Variants in DCUN1D4 observed in about 807,000 individuals in gnomAD.
DCUN1D4 encodes the protein DCN1-like protein 4.
DCUN1D4 carries 22 observed loss-of-function variants against 47.9 expected under a neutral mutation model. The ratio of observed to expected loss-of-function variants is 0.46; its 90% CI spans 0.33 to 0.66. The LOEUF is 0.66. DCUN1D4 is among the 30% of genes least tolerant of loss of function. DCUN1D4 has a pLI of 0.02. For synonymous variants in DCUN1D4, 121 were observed against 112.2 expected (o/e 1.08, Z -0.50); for missense variants, 301 against 340.8 (o/e 0.88, Z 0.92).
chr4:51,894,196 G>C (rs1181060758), intron 7 of DCUN1D4, among the ~76,000 whole-genome samples: 1 of 152,082 alleles, frequency 6.6e-6, no homozygotes, highest in African/African-American at 2.4e-5. Flanking sequence ...TGCTTTTTGT[G>C]GTATGAAACT....
chr4:51,836,318 G>A, the DCUN1D4 span, among the ~76,000 whole-genome samples: 1 of 152,168 alleles, frequency 6.6e-6, no homozygotes, highest in Non-Finnish European at 1.5e-5. Flanking sequence ...GCTTTAACCT[G>A]TCTTAGCTGA....
In DCUN1D4 at chr4:51,912,000, G is replaced by T. The variant is rs1733788831; in HGVS notation, c.720+826G>T. 2.0e-5 allele frequency among the ~76,000 whole-genome samples: 3 copies of T among 152,102 alleles called. No individual in the cohort carries two copies. In the South Asian group the frequency reaches 6.2e-4, roughly 32 times the overall value. Reference sequence around the variant, plus strand: ...TAATCTTTCTCACAACTTACTTTATGTAATGGTCCAGAATATTTTTAATAT... The same window carrying T: ...TAATCTTTCTCACAACTTACTTTATTTAATGGTCCAGAATATTTTTAATAT... On this transcript the variant is annotated intron_variant, in intron 9 of 10. Coordinates refer to ENST00000334635, the MANE Select transcript of DCUN1D4 (RefSeq NM_001040402.3).
intron 3 of DCUN1D4, among the ~76,000 whole-genome samples, chr4:51,868,253 G>C (rs1726288154): frequency 6.6e-6 from 1 of 152,206 alleles, no homozygotes; most frequent in Admixed American, 6.5e-5. Context: ...TCCTGGAAGG[G>C]CGAGACTCCT....
In DCUN1D4 at chr4:51,915,177, G is replaced by A. The variant is rs551426464; in HGVS notation, c.*1593G>A. On this transcript the variant is annotated 3_prime_UTR_variant, in exon 11 of 11. Transcript: ENST00000334635. ...ATTTTACCATTTCTTTGCAAACAGT[G>A]TTCACATTTTCATATTTTTTCCCTA... The A allele has an allele frequency of 7.9e-5, 12 of 152,606 alleles. No individual in the cohort carries two copies. The East Asian group carries it at 1.5e-3, about 20-fold the overall frequency. The allele number at this position is 152,606 out of a possible 1,614,324, so 9.5% of individuals were successfully genotyped here.
intron 8 of DCUN1D4, chr4:51,905,048 C>A: frequency 6.5e-6 from 2 of 307,806 alleles, no homozygotes; most frequent in South Asian, 2.7e-5. Flanking sequence ...CCTTTAACAG[C>A]TCTCTACCAA....
chr4:51,875,095 A>C (rs931295274), intron 4 of DCUN1D4: 2 of 152,130 alleles, frequency 1.3e-5, no homozygotes, highest in Admixed American at 1.3e-4. Context: ...GAATTTCCAC[A>C]TGTATTAATC....
chr4:51,858,909 A>G (rs1026886971), intron 1 of DCUN1D4, among the ~76,000 whole-genome samples: 2 of 152,190 alleles, frequency 1.3e-5, no homozygotes, highest in Non-Finnish European at 2.9e-5. Context: ...ATCCAGAAAT[A>G]TTTACAATCT....
intron 1 of DCUN1D4, among the ~76,000 whole-genome samples, chr4:51,852,802 G>A (rs1392792088): frequency 1.3e-5 from 2 of 152,204 alleles, no homozygotes; most frequent in East Asian, 3.8e-4. Context: ...TGAGGACACG[G>A]GCACAGTGAA....
chr4:51,843,000 A>T, upstream of DCUN1D4: 1 of 1,268,222 alleles, frequency 7.9e-7, no homozygotes, highest in Non-Finnish European at 1.0e-6. Context: ...CGTATTGGCC[A>T]GTGGGGGGCG....
the DCUN1D4 span, among the ~76,000 whole-genome samples, chr4:51,837,776 A>T: frequency 8.5e-5 from 13 of 152,138 alleles, no homozygotes; most frequent in East Asian, 2.5e-3. Flanking sequence ...AAACGAAATT[A>T]AAACTGAAAC....
At chr4:51,883,942 TTTC>T (rs1729075232) in intron 5 of DCUN1D4, among the ~76,000 whole-genome samples, 1 of 150,280 alleles carries the variant, frequency 6.7e-6, no homozygotes, top group Non-Finnish European at 1.5e-5. Flanking sequence ...AGTATTTGGT[TTTC>T]TTCTGATAAT....
intron 1 of DCUN1D4, among the ~76,000 whole-genome samples, chr4:51,856,662 G>A (rs1279701511): frequency 1.3e-5 from 2 of 152,210 alleles, no homozygotes; most frequent in African/African-American, 4.8e-5. Flanking sequence ...GCCATAGCTA[G>A]CTCTCTGACT....
At chr4:51,849,835 G>A (rs1381831299) in intron 1 of DCUN1D4, among the ~76,000 whole-genome samples, 1 of 118,242 alleles carries the variant, frequency 8.5e-6, no homozygotes, top group Non-Finnish European at 1.6e-5. Context: ...ACAGAAATAT[G>A]TGTGTGTGTG....
intron 1 of DCUN1D4, among the ~76,000 whole-genome samples, chr4:51,844,694 G>T (rs1722229363): frequency 6.6e-6 from 1 of 151,930 alleles, no homozygotes; most frequent in Admixed American, 6.5e-5. Flanking sequence ...TCCCAGGCGT[G>T]CTGGGAGGGC....
At chr4:51,851,095 G>T (rs1723294062) in intron 1 of DCUN1D4, among the ~76,000 whole-genome samples, 1 of 152,206 alleles carries the variant, frequency 6.6e-6, no homozygotes, top group Non-Finnish European at 1.5e-5. Context: ...AATCACTCTT[G>T]AGAAGAAAAG....
chr4:51,888,133 G>A (rs900998947), intron 6 of DCUN1D4, among the ~76,000 whole-genome samples: 31 of 151,978 alleles, frequency 2.0e-4, no homozygotes, highest in African/African-American at 7.2e-4. Context: ...GAGTGAGTTG[G>A]GCTTGAGAGG....
At chr4:51,848,415 GT>G (rs1722883254) in intron 1 of DCUN1D4, 1 of 1,058,392 alleles carries the variant, frequency 9.4e-7, no homozygotes, top group Admixed American at 5.0e-5. Context: ...CCTTCTTTTT[GT>G]TTTATATCCA....
chr4:51,906,534 C>A (rs189749337), intron 8 of DCUN1D4, among the ~76,000 whole-genome samples: 1 of 152,154 alleles, frequency 6.6e-6, no homozygotes, highest in Non-Finnish European at 1.5e-5. Flanking sequence ...ACACAACCCA[C>A]CCCCAACCTC....
chr4:51,903,469 G>C (rs1732419504), intron 8 of DCUN1D4, among the ~76,000 whole-genome samples: 1 of 151,822 alleles, frequency 6.6e-6, no homozygotes, highest in African/African-American at 2.4e-5. Context: ...ATATTCCCTG[G>C]AATAATTTTC....
Sources: gnomAD v4.1 joint callset for allele counts (sites outside exome capture counted in the v4.1 genomes callset) on GRCh38, gnomAD v4.1.1 for gene constraint, MANE v1.5 for transcripts, NCBI Gene and HGNC (gene_info 2026-07-23, HGNC 2026-07-21) for gene names.